Variants in FEM1C observed in about 807,000 individuals in gnomAD.
FEM1C encodes protein fem-1 homolog C.
FEM1C carries 15 observed loss-of-function variants against 37.6 expected under a neutral mutation model. That is an observed-to-expected ratio of 0.40 (90% confidence interval 0.27 to 0.61). The LOEUF (loss-of-function observed/expected upper bound fraction) is 0.61. Ranked by LOEUF, FEM1C falls within the 20% of genes least tolerant of loss-of-function variation. FEM1C has a pLI of 0.42. For missense variants in FEM1C, 532 were observed against 749.7 expected (o/e 0.71, Z 3.39); for synonymous variants, 287 against 272.8 (o/e 1.05, Z -0.51).
rs577714034 is a variant in FEM1C, at chr5:115,536,002, T to G, written c.544+6948A>C. Among the ~76,000 whole-genome samples the G allele has an allele frequency of 2.0e-5, 3 of 152,074 alleles. No homozygotes were observed. In the South Asian group the frequency reaches 6.2e-4, roughly 32 times the overall value. ...TATGTGATTCCATTTAAATTAAATG[T>G]CCAGAACAGGCAAACTTAAGACAGA... On this transcript the variant is annotated intron_variant, in intron 2 of 2. Coordinates refer to ENST00000274457, the MANE Select transcript of FEM1C (RefSeq NM_020177.3).
intron 2 of FEM1C, among the ~76,000 whole-genome samples, chr5:115,528,377 C>G (rs1257226093): frequency 6.6e-6 from 1 of 152,120 alleles, no homozygotes. Flanking sequence ...AAACACTGAG[C>G]AGAACTAGTG....
At position 115,524,275 on chromosome 5, in the gene FEM1C, G is replaced by A. The variant is rs367977295; in HGVS notation, c.*33C>T. 32 of 1,557,176 alleles carry A rather than the reference G, an allele frequency of 2.1e-5. No homozygotes were observed. The highest frequency in any genetic ancestry group is 1.8e-4 in the South Asian group (16 of 89,044). On this transcript the variant is annotated 3_prime_UTR_variant, in exon 3 of 3. Transcript: ENST00000274457. ...TTTATGAAACAACTGTTACCAATTCGTGCTTTAACAGTGCTAAAATACAGT... is the reference window on the plus strand; with the variant it reads ...TTTATGAAACAACTGTTACCAATTCATGCTTTAACAGTGCTAAAATACAGT...
chr5:115,524,569 G>A lies in FEM1C; in HGVS notation c.1593C>T (p.Pro531=), dbSNP rs774278781. The A allele has an allele frequency of 1.4e-4, 229 of 1,613,082 alleles. No homozygotes were observed. The East Asian group carries it at 2.0e-3, about 14-fold the overall frequency. ...GGTTGTTAAGAGCAGCGATATGCAG[G>A]GGACTGTTGTCATCCGAGTCTCTGA... ...VNVRDSDDNS[P]LHIAALNNHP... Residue 531 remains proline, a synonymous_variant, in exon 3 of 3, where the codon CCC becomes CCT. Transcript: ENST00000274457.
intron 2 of FEM1C, among the ~76,000 whole-genome samples, chr5:115,529,437 C>A (rs1048988255): frequency 1.3e-5 from 2 of 151,888 alleles, no homozygotes; most frequent in Admixed American, 6.6e-5. Context: ...AAATTCTATA[C>A]CCATATCAAG....
rs1753770638 is a variant in FEM1C, at chr5:115,521,375, A to G, written c.*2933T>C. The stretch of plus-strand genomic sequence containing the variant: ...TAATAGTAGACTGGGGTCTCTATAC[A>G]CATTAAGGTAGTCACTTTACAAGTG... On this transcript the variant is annotated 3_prime_UTR_variant, in exon 3 of 3. Coordinates refer to ENST00000274457, the MANE Select transcript of FEM1C (RefSeq NM_020177.3). 6.6e-6 allele frequency: 1 copy of G among 151,824 alleles called. No homozygotes were observed. The allele number at this position is 151,824 out of a possible 1,614,324, so 9.4% of individuals were successfully genotyped here.
chr5:115,527,351 C>G (rs12110084), intron 2 of FEM1C, among the ~76,000 whole-genome samples: 1 of 152,062 alleles, frequency 6.6e-6, no homozygotes, highest in Non-Finnish European at 1.5e-5. Context: ...AATCTTTCCA[C>G]AAGTTTATCC....
At chr5:115,528,884 C>T (rs547517404) in intron 2 of FEM1C, among the ~76,000 whole-genome samples, 22 of 152,076 alleles carry the variant, frequency 1.4e-4, no homozygotes, top group Non-Finnish European at 3.2e-4. Context: ...AAACTGGAAA[C>T]TAATCAAGTA....
intron 2 of FEM1C, among the ~76,000 whole-genome samples, chr5:115,539,482 G>A (rs376466531): frequency 1.1e-4 from 17 of 152,068 alleles, no homozygotes; most frequent in South Asian, 2.1e-4. Context: ...ACCAACTCCC[G>A]TCTCAAAACT....
At chr5:115,542,833 C>G in intron 2 of FEM1C, 117 bp downstream of exon 2, 3 of 1,230,300 alleles carry the variant, frequency 2.4e-6, no homozygotes, top group South Asian at 3.0e-5. Context: ...GGAAGACTTA[C>G]CTAATCAAAA....
At chr5:115,543,730 A>G (rs887387905) in intron 1 of FEM1C, 47 bp from the exon 2 acceptor site, 3 of 1,325,286 alleles carry the variant, frequency 2.3e-6, no homozygotes, top group Admixed American at 3.7e-5. Context: ...TCTATAGAAG[A>G]AGGCAAAACA....
Position 115,522,979 on chromosome 5 carries a change from A to G in FEM1C, c.*1329T>C, listed in dbSNP as rs1180178518. 6.6e-6 allele frequency: 1 copy of G among 152,022 alleles called. No homozygotes were observed. The highest frequency in any genetic ancestry group is 2.4e-5 in the African/African-American group (1 of 41,210). 9.4% of individuals were successfully genotyped at this position (152,022 alleles called of 1,614,324 possible). A position where few individuals can be genotyped will look rare whatever the true frequency, so the allele number is the denominator to read the frequency against. ...AGAGAGAGAAAGAGAAAGAGAAAGA[A>G]AGAGTGAGAGAAAGAAAGGAAGAAA... On this transcript the variant is annotated 3_prime_UTR_variant, in exon 3 of 3. Transcript: ENST00000274457.
At chr5:115,525,734 G>A (rs1753877272) in intron 2 of FEM1C, 117 bp from the exon 3 acceptor site, 3 of 762,344 alleles carry the variant, frequency 3.9e-6, no homozygotes, top group Non-Finnish European at 4.0e-6. Context: ...TCCTAAGTAG[G>A]ACATACTTGG....
At chr5:115,527,025 T>G (rs1753909226) in intron 2 of FEM1C, among the ~76,000 whole-genome samples, 1 of 152,040 alleles carries the variant, frequency 6.6e-6, no homozygotes, top group African/African-American at 2.4e-5. Context: ...CATATGTATT[T>G]ACATTACTGG....
At chr5:115,525,649 T>C (rs2127169041) in intron 2 of FEM1C, 32 bp from the exon 3 acceptor site, 3 of 1,551,888 alleles carry the variant, frequency 1.9e-6, no homozygotes, top group Non-Finnish European at 2.6e-6. Context: ...AGAAATAACA[T>C]ACATTGAGGG....
At chr5:115,543,813 C>A (rs1408239564) in intron 1 of FEM1C, 130 bp from the exon 2 acceptor site, 9 of 911,704 alleles carry the variant, frequency 9.9e-6, no homozygotes, top group East Asian at 1.9e-4. Context: ...TCCCACACAC[C>A]CCCCCCACCC....
intron 1 of FEM1C, chr5:115,544,017 G>A (rs1047383081): frequency 1.0e-6 from 1 of 985,396 alleles, no homozygotes; most frequent in Non-Finnish European, 1.2e-6. Context: ...ACCGAAAGAG[G>A]CAGGAGACTC....
intron 2 of FEM1C, among the ~76,000 whole-genome samples, chr5:115,527,807 C>T (rs1467409206): frequency 9.2e-5 from 14 of 151,988 alleles, no homozygotes; most frequent in African/African-American, 2.9e-4. Context: ...TCAAGACCAT[C>T]TTGGCCAACA....
At chr5:115,535,506 G>A (rs1330309673) in intron 2 of FEM1C, among the ~76,000 whole-genome samples, 2 of 151,822 alleles carry the variant, frequency 1.3e-5, no homozygotes, top group South Asian at 2.1e-4. Flanking sequence ...AATGCTCAAC[G>A]TCATTAGCGA....
At chr5:115,536,180 G>A (rs1390524376) in intron 2 of FEM1C, among the ~76,000 whole-genome samples, 1 of 151,862 alleles carries the variant, frequency 6.6e-6, no homozygotes, top group Non-Finnish European at 1.5e-5. Context: ...ATACTGAAAA[G>A]CCATTGAATT....
Sources: gnomAD v4.1 joint callset for allele counts (sites outside exome capture counted in the v4.1 genomes callset) on GRCh38, gnomAD v4.1.1 for gene constraint, MANE v1.5 for transcripts, NCBI Gene and HGNC (gene_info 2026-07-23, HGNC 2026-07-21) for gene names.